Variants in CABP1 observed in about 807,000 individuals in gnomAD.
CABP1 encodes the protein calcium-binding protein 1.
CABP1 carries 17 observed loss-of-function variants against 34.3 expected under a neutral mutation model. The observed-to-expected ratio is 0.50, with a 90% CI of 0.34 to 0.74. CABP1 has a LOEUF of 0.74. Ranked by LOEUF, CABP1 falls within the 30% of genes least tolerant of loss-of-function variation. The pLI is 0.01. For synonymous variants in CABP1, 198 were observed against 229.2 expected (o/e 0.86, Z 1.23); for missense variants, 373 against 511.1 (o/e 0.73, Z 2.61).
intron 1 of CABP1, among the ~76,000 whole-genome samples, chr12:120,647,788 G>A (rs1369686539): frequency 6.9e-6 from 1 of 144,344 alleles, no homozygotes; most frequent in East Asian, 2.1e-4. Context: ...CACCACGTTG[G>A]CCAGGCTGGC....
Position 120,661,082 on chromosome 12 carries a change from T to C in CABP1, c.951T>C (p.Asn317=), listed in dbSNP as rs746113332. The change falls in exon 5 of 6, where the codon AAT becomes AAC. Residue 317 remains asparagine (N), a synonymous_variant. Coordinates refer to ENST00000316803, the MANE Select transcript of CABP1 (RefSeq NM_001033677.2). The surrounding 1 kb of genome is among the most constrained non-coding windows in gnomAD (Gnocchi z 5.1). The stretch of plus-strand genomic sequence containing the variant: ...CCTGCCTTCTCTAGTTTGACACCAA[T>C]GGTGATGGGGAAATAAGCACCAGTG... The part of the protein sequence containing the change: ...LRDAFREFDT[N]GDGEISTSEL... 1 of 1,612,674 alleles carries C rather than the reference T, an allele frequency of 6.2e-7. No individual in the cohort carries two copies. Among genetic ancestry groups the C allele is most frequent in the Non-Finnish European group, 8.5e-7 (1 of 1,179,470 alleles).
Position 120,641,170 on chromosome 12 carries a change from T to A in CABP1, c.485T>A (p.Leu162Gln), listed in dbSNP as rs1197727391. 8.1e-7 allele frequency: 1 copy of A among 1,238,390 alleles called. No homozygotes were observed. Among genetic ancestry groups the A allele is most frequent in the African/African-American group, 1.6e-5 (1 of 63,930 alleles). The allele number at this position is 1,238,390 out of a possible 1,614,324, so 76.7% of individuals were successfully genotyped here. A position where few individuals can be genotyped will look rare whatever the true frequency, so the allele number is the denominator to read the frequency against. Residue 162 changes from leucine (L) to glutamine (Q), a missense_variant, in exon 1 of 6, where the codon CTG becomes CAG. By Grantham distance (113) the Leu-to-Gln change is moderately radical. Around this residue, in one of 4 missense-constraint regions of CABP1, gnomAD observed 121 missense variants for 125.5 expected, o/e 0.96. Transcript: ENST00000316803. The surrounding 1 kb of genome is among the most constrained non-coding windows in gnomAD (Gnocchi z 6.7). ...TCCCGACCTTCGCCGTCGTCGCCGC[T>A]GCCGCCGGCCCGCGGGCGGGATGGG... Reference protein sequence around the residue: ...AASRPSPSSPLPPARGRDGEE... With the variant: ...AASRPSPSSPQPPARGRDGEE...
intron 1 of CABP1, chr12:120,655,616 A>G (rs693388): frequency 0.66 from 900,720 of 1,370,518 alleles, 297,648 homozygotes; most frequent in East Asian, 0.71. Flanking sequence ...ATCTGGCTGG[A>G]GTAGGACAAG....
rs7975703 is a variant in CABP1, at chr12:120,661,499, C to T, written c.1087+281C>T. 0.28 allele frequency: 95,267 copies of T among 344,634 alleles called. 14,182 individuals are homozygous for T. The highest frequency in any genetic ancestry group is 0.47 in the African/African-American group (22,175 of 47,290). The allele number at this position is 344,634 out of a possible 1,614,324, so 21.3% of individuals were successfully genotyped here. A position where few individuals can be genotyped will look rare whatever the true frequency, so the allele number is the denominator to read the frequency against. ...ATCTACCTATCTATCCATCTGTCCA[C>T]CATCCATCCATCCATCCATTTATCT... On this transcript the variant is annotated intron_variant, in intron 5 of 5. Transcript: ENST00000316803. The surrounding 1 kb of genome is among the most constrained non-coding windows in gnomAD (Gnocchi z 5.1).
the CABP1 span, among the ~76,000 whole-genome samples, chr12:120,680,354 G>T: frequency 6.6e-6 from 1 of 152,176 alleles, no homozygotes; most frequent in Non-Finnish European, 1.5e-5. Flanking sequence ...CTGGGAAGCC[G>T]CTGAGGAAGG....
intron 5 of CABP1, among the ~76,000 whole-genome samples, chr12:120,662,993 T>C (rs1460890038): frequency 6.6e-6 from 1 of 152,020 alleles, no homozygotes. Flanking sequence ...CCTATCCTGT[T>C]TTTTACTTGG....
In CABP1 at chr12:120,640,796, C is replaced by A; in HGVS notation, c.111C>A (p.Gly37=). The A allele has an allele frequency of 9.0e-7, 1 of 1,110,924 alleles. No homozygotes were observed. The highest frequency in any genetic ancestry group is 1.1e-6 in the Non-Finnish European group (1 of 912,090). 68.8% of individuals were successfully genotyped at this position (1,110,924 alleles called of 1,614,324 possible). A position where few individuals can be genotyped will look rare whatever the true frequency, so the allele number is the denominator to read the frequency against. ...AGCCCCGTTCTCTGCCCGCCGGGGG[C>A]CCCGCGCCGCGCCGCACCGCGCCGC... is the stretch of plus-strand genomic sequence containing the variant. ...RREPRSLPAG[G]PAPRRTAPPP... The change falls in exon 1 of 6, where the codon GGC becomes GGA. Residue 37 remains glycine, a synonymous_variant. Transcript: ENST00000316803. The surrounding 1 kb of genome is among the most constrained non-coding windows in gnomAD (Gnocchi z 6.2).
intron 1 of CABP1, among the ~76,000 whole-genome samples, chr12:120,643,852 TGTTA>T (rs1475371072): frequency 6.6e-6 from 1 of 152,270 alleles, no homozygotes; most frequent in Non-Finnish European, 1.5e-5. Flanking sequence ...ACTCTATCAG[TGTTA>T]GTTATTCTTC....
chr12:120,677,287 C>T, the CABP1 span, among the ~76,000 whole-genome samples: 2 of 151,594 alleles, frequency 1.3e-5, no homozygotes, highest in East Asian at 3.9e-4. Context: ...AAAGTTTCAC[C>T]ATGTTGACCA....
chr12:120,677,410 T>C, the CABP1 span, among the ~76,000 whole-genome samples: 1 of 130,078 alleles, frequency 7.7e-6, no homozygotes, highest in Non-Finnish European at 1.7e-5. Flanking sequence ...TTTTTTTTTT[T>C]TTTTGAGACA....
At chr12:120,680,288 C>A in the CABP1 span, among the ~76,000 whole-genome samples, 1 of 152,086 alleles carries the variant, frequency 6.6e-6, no homozygotes, top group Non-Finnish European at 1.5e-5. Context: ...GTCCTTACAT[C>A]AATGTGGTGT....
At chr12:120,669,218 C>G (rs1339271743), downstream of CABP1, among the ~76,000 whole-genome samples, 1 of 152,214 alleles carries the variant, frequency 6.6e-6, no homozygotes, top group African/African-American at 2.4e-5. Context: ...CAGCCAGAGG[C>G]CCGGGTAATC....
At chr12:120,672,985 G>A in the CABP1 span, among the ~76,000 whole-genome samples, 17 of 152,216 alleles carry the variant, frequency 1.1e-4, no homozygotes, top group Non-Finnish European at 2.2e-4. Context: ...ATCCGAGATC[G>A]TGCCACTGCA....
chr12:120,666,765 G>T, intron 5 of CABP1, 110 bp from the exon 6 acceptor site: 1 of 1,199,508 alleles, frequency 8.3e-7, no homozygotes. Flanking sequence ...GGAATGGATG[G>T]GGGACCAGCA....
intron 5 of CABP1, among the ~76,000 whole-genome samples, chr12:120,666,168 A>T (rs1761394765): frequency 6.8e-6 from 1 of 147,718 alleles, no homozygotes; most frequent in African/African-American, 2.5e-5. Context: ...ACTGCACTTC[A>T]GCGTGGGCGA....
At position 120,640,850 on chromosome 12, in the gene CABP1, C is replaced by A; in HGVS notation, c.165C>A (p.Pro55=). The A allele has an allele frequency of 1.9e-6, 2 of 1,072,994 alleles. No individual in the cohort carries two copies. The highest frequency in any genetic ancestry group is 4.4e-5 in the South Asian group (1 of 22,944). The allele number at this position is 1,072,994 out of a possible 1,614,324, so 66.5% of individuals were successfully genotyped here. Residue 55 remains proline, a synonymous_variant, in exon 1 of 6, where the codon CCC becomes CCA. Transcript: ENST00000316803. The surrounding 1 kb of genome is among the most constrained non-coding windows in gnomAD (Gnocchi z 6.2). ...PPPPGHASAG[P]AAMSSHIAKS... The stretch of plus-strand genomic sequence containing the variant: ...CGCCGGGCCATGCGAGCGCGGGCCC[C>A]GCCGCGATGAGCTCGCACATCGCCA...
At chr12:120,650,708 TG>T in intron 1 of CABP1, 1 of 1,610,540 alleles carries the variant, frequency 6.2e-7, no homozygotes, top group Non-Finnish European at 8.5e-7. Context: ...TTCCAAGATC[TG>T]GGGCTGGGGA....
At chr12:120,647,386 T>G (rs1382955207) in intron 1 of CABP1, among the ~76,000 whole-genome samples, 1 of 6,780 alleles carries the variant, frequency 1.5e-4, no homozygotes, top group Non-Finnish European at 2.6e-4. Context: ...GCAGACAAGA[T>G]TTTTTTTTTT....
intron 1 of CABP1, among the ~76,000 whole-genome samples, chr12:120,644,667 G>A (rs986010921): frequency 6.6e-6 from 1 of 152,152 alleles, no homozygotes; most frequent in African/African-American, 2.4e-5. Flanking sequence ...GTAGAAACAC[G>A]TCTCCTAATA....
Sources: gnomAD v4.1 joint callset for allele counts (sites outside exome capture counted in the v4.1 genomes callset) on GRCh38, gnomAD v4.1.1 for gene constraint, gnomAD v4.1.1 regional missense constraint, Gnocchi (gnomAD v3.1) non-coding constraint, MANE v1.5 for transcripts, NCBI Gene and HGNC (gene_info 2026-07-23, HGNC 2026-07-21) for gene names.